Variants in KCNB2 observed in about 807,000 individuals in gnomAD.
KCNB2 encodes the protein delayed rectifier potassium channel protein.
Under a neutral mutation model 61.5 loss-of-function variants are expected in KCNB2, and 15 were observed. The observed-to-expected ratio is 0.24, with a 90% CI of 0.16 to 0.38. The LOEUF is 0.38. KCNB2 is among the 10% of genes least tolerant of loss of function. The pLI, the probability that KCNB2 is intolerant of heterozygous loss-of-function variation, is 1.00. For missense variants in KCNB2, 828 were observed against 1,125.2 expected (o/e 0.74, Z 3.78); for synonymous variants, 457 against 446.0 (o/e 1.02, Z -0.31).
At chr8:72,572,157 A>C (rs1192298860) in intron 2 of KCNB2, among the ~76,000 whole-genome samples, 2 of 152,166 alleles carry the variant, frequency 1.3e-5, no homozygotes, top group African/African-American at 2.4e-5. Context: ...GGATGTCTTA[A>C]GAAGGTCAAG....
intron 2 of KCNB2, among the ~76,000 whole-genome samples, chr8:72,794,318 G>C (rs1808991990): frequency 6.6e-6 from 1 of 152,128 alleles, no homozygotes. Flanking sequence ...TGTAATCCCA[G>C]CACTTTGGGA....
At chr8:72,901,146 G>C (rs1187913193) in intron 2 of KCNB2, among the ~76,000 whole-genome samples, 1 of 152,196 alleles carries the variant, frequency 6.6e-6, no homozygotes, top group Non-Finnish European at 1.5e-5. Context: ...CAGCAGGCCA[G>C]AGACCCGTGG....
intron 2 of KCNB2, among the ~76,000 whole-genome samples, chr8:72,847,165 A>G (rs4375048): frequency 0.85 from 129,788 of 152,168 alleles, 56,315 homozygotes; most frequent in Middle Eastern, 0.97. Context: ...ACCTTGCCAG[A>G]CTGGGGGCAA....
chr8:72,707,894 AC>A lies in KCNB2; in HGVS notation c.579+139583del, dbSNP rs202084358. 4.7e-4 allele frequency among the ~76,000 whole-genome samples: 71 copies of A among 152,244 alleles called. 1 individual carries two copies. Among genetic ancestry groups the A allele is most frequent in the African/African-American group, 1.6e-3 (67 of 41,542 alleles). On this transcript the variant is annotated intron_variant, in intron 2 of 2. Coordinates refer to ENST00000523207, the MANE Select transcript of KCNB2 (RefSeq NM_004770.3). ...ATTTGAGGGCAGTGCAAAAAAAGGGACCTTTTACAAAGGTGGAGAGGGAGAG... is the reference window on the plus strand; with the variant it reads ...ATTTGAGGGCAGTGCAAAAAAAGGGACTTTTACAAAGGTGGAGAGGGAGAG...
chr8:72,860,051 T>G (rs180746341), intron 2 of KCNB2, among the ~76,000 whole-genome samples: 104 of 152,288 alleles, frequency 6.8e-4, no homozygotes, highest in African/African-American at 2.4e-3. Context: ...AATATGCCAT[T>G]GCATAGATAT....
intron 2 of KCNB2, among the ~76,000 whole-genome samples, chr8:72,636,650 G>A (rs1805971096): frequency 6.6e-6 from 1 of 152,160 alleles, no homozygotes; most frequent in African/African-American, 2.4e-5. Flanking sequence ...CAGCCACAAA[G>A]AAGCAGAGGC....
At chr8:72,632,997 C>T (rs980965944) in intron 2 of KCNB2, among the ~76,000 whole-genome samples, 1 of 152,194 alleles carries the variant, frequency 6.6e-6, no homozygotes, top group Non-Finnish European at 1.5e-5. Flanking sequence ...CACAAGTTTT[C>T]TGTCTCAGAA....
intron 2 of KCNB2, among the ~76,000 whole-genome samples, chr8:72,662,535 G>A (rs1270024494): frequency 6.6e-6 from 1 of 152,204 alleles, no homozygotes; most frequent in African/African-American, 2.4e-5. Flanking sequence ...AGGCAACTAA[G>A]AGCAGCAATG....
chr8:72,709,954 T>C (rs1446461103), intron 2 of KCNB2, among the ~76,000 whole-genome samples: 1 of 152,184 alleles, frequency 6.6e-6, no homozygotes, highest in Non-Finnish European at 1.5e-5. Flanking sequence ...GGCCTGATCC[T>C]GAATGAAGCT....
At chr8:72,805,698 T>A (rs1809208384) in intron 2 of KCNB2, among the ~76,000 whole-genome samples, 1 of 152,184 alleles carries the variant, frequency 6.6e-6, no homozygotes, top group Admixed American at 6.5e-5. Context: ...GTTTTTTAAA[T>A]GGTATAACCA....
At chr8:72,866,921 G>A (rs1310941969) in intron 2 of KCNB2, among the ~76,000 whole-genome samples, 5 of 152,116 alleles carry the variant, frequency 3.3e-5, no homozygotes, top group East Asian at 1.9e-4. Context: ...GTGTGTGCCT[G>A]TGGCCCTTTT....
At chr8:72,839,267 T>C (rs1809835641) in intron 2 of KCNB2, among the ~76,000 whole-genome samples, 1 of 152,198 alleles carries the variant, frequency 6.6e-6, no homozygotes, top group African/African-American at 2.4e-5. Context: ...AAATGATTAG[T>C]CATTATTTAA....
intron 2 of KCNB2, among the ~76,000 whole-genome samples, chr8:72,679,673 G>A (rs966540347): frequency 6.6e-6 from 1 of 151,940 alleles, no homozygotes; most frequent in Non-Finnish European, 1.5e-5. Context: ...TCTATATTTT[G>A]TCCTGAATCC....
chr8:72,867,342 G>C (rs1805537352), intron 2 of KCNB2, among the ~76,000 whole-genome samples: 1 of 152,176 alleles, frequency 6.6e-6, no homozygotes. Flanking sequence ...ACCGTGTTGA[G>C]CATGTCTTAA....
At chr8:72,716,124 T>C (rs1291314166) in intron 2 of KCNB2, among the ~76,000 whole-genome samples, 2 of 152,164 alleles carry the variant, frequency 1.3e-5, no homozygotes, top group Non-Finnish European at 2.9e-5. Context: ...AGAAACTGAA[T>C]CTCTGAATAG....
chr8:72,648,858 T>C (rs1806170544), intron 2 of KCNB2, among the ~76,000 whole-genome samples: 1 of 152,104 alleles, frequency 6.6e-6, no homozygotes, highest in Non-Finnish European at 1.5e-5. Context: ...CCAGACCAAA[T>C]AGTAATACCT....
At chr8:72,692,703 T>C (rs1806957955) in intron 2 of KCNB2, among the ~76,000 whole-genome samples, 1 of 151,718 alleles carries the variant, frequency 6.6e-6, no homozygotes, top group Non-Finnish European at 1.5e-5. Flanking sequence ...TTGTATTCCA[T>C]ATTACTGGTT....
Position 72,747,149 on chromosome 8 carries a change from G to T in KCNB2, c.579+178836G>T, listed in dbSNP as rs139375390. On this transcript the variant is annotated intron_variant, in intron 2 of 2. Coordinates refer to ENST00000523207, the MANE Select transcript of KCNB2 (RefSeq NM_004770.3). ...ACCACCACAAAGGGAAGCCCCAGGG[G>T]CTGTGTCAGGAAGCAGAGGGAGAGG... Among the ~76,000 whole-genome samples the T allele has an allele frequency of 6.4e-4, 98 of 152,274 alleles. 1 individual carries two copies. The highest frequency in any genetic ancestry group is 2.3e-3 in the African/African-American group (96 of 41,562).
chr8:72,892,379 C>A (rs1805911581), intron 2 of KCNB2, among the ~76,000 whole-genome samples: 1 of 152,088 alleles, frequency 6.6e-6, no homozygotes, highest in Admixed American at 6.6e-5. Flanking sequence ...TGGGCCACTA[C>A]CCACAGAAAG....
Sources: allele counts gnomAD v4.1 joint callset (sites outside exome capture counted in the v4.1 genomes callset), GRCh38; gene constraint gnomAD v4.1.1; transcripts MANE v1.5; gene names NCBI Gene and HGNC (gene_info 2026-07-23, HGNC 2026-07-21).